Variants in BRWD3 observed in about 807,000 individuals in gnomAD.
The protein encoded by BRWD3 is bromodomain and WD repeat-containing protein 3.
A neutral mutation model predicts 149.7 loss-of-function variants in BRWD3; 10 were observed. The ratio of observed to expected loss-of-function variants is 0.07; its 90% CI spans 0.04 to 0.11. The LOEUF is 0.11. BRWD3 is among the 10% of genes least tolerant of loss of function. The pLI is 1.00. For missense variants in BRWD3, 940 were observed against 1,373.2 expected (o/e 0.68, Z 4.99); for synonymous variants, 504 against 456.7 (o/e 1.10, Z -1.32).
intron 20 of BRWD3, among the ~76,000 whole-genome samples, chrX:80,714,884 T>G (rs2073053288): frequency 8.9e-6 from 1 of 112,211 alleles, no homozygotes; most frequent in South Asian, 3.7e-4. Flanking sequence ...TAACAAGAAT[T>G]GGCAGTATGT....
chrX:80,748,845 G>A (rs915679594), intron 6 of BRWD3, among the ~76,000 whole-genome samples: 1 of 110,468 alleles, frequency 9.1e-6, no homozygotes, highest in African/African-American at 3.3e-5. Flanking sequence ...CTTTTTTAAT[G>A]TTTATTGCTA....
intron 20 of BRWD3, among the ~76,000 whole-genome samples, chrX:80,712,605 T>A (rs766068647): frequency 9.1e-5 from 9 of 99,290 alleles, no homozygotes; most frequent in Non-Finnish European, 1.6e-4. Context: ...TCTGCCTGGC[T>A]GCCCATCGTC....
At chrX:80,696,652 T>G in intron 26 of BRWD3, 87 bp downstream of exon 26, 1 of 1,040,898 alleles carries the variant, frequency 9.6e-7, no homozygotes, top group Non-Finnish European at 1.3e-6. Flanking sequence ...TATAGTGTTT[T>G]CTCTCCCATT....
chrX:80,704,600 G>T, intron 23 of BRWD3, 78 bp downstream of exon 23: 1 of 926,833 alleles, frequency 1.1e-6, no homozygotes, highest in Non-Finnish European at 1.5e-6. Context: ...AAAAGTCAAT[G>T]TTACAATTAA....
intron 6 of BRWD3, among the ~76,000 whole-genome samples, chrX:80,764,054 A>T (rs1472321375): frequency 8.9e-6 from 1 of 112,096 alleles, no homozygotes; most frequent in East Asian, 2.8e-4. Context: ...GGCCAAAAAA[A>T]TTTGCATAAA....
rs776844527 is a variant in BRWD3, at chrX:80,731,826, C to T, written c.1127+1630G>A. ...AGGAGAATGGCGTGAACCCGGGAGG[C>T]GGAGCTTGCAGTGAGCCGAGATCAC... is the stretch of plus-strand genomic sequence containing the variant. On this transcript the variant is annotated intron_variant, in intron 12 of 40. Transcript: ENST00000373275. 4.9e-3 allele frequency among the ~76,000 whole-genome samples: 442 copies of T among 89,546 alleles called. 2 individuals are homozygous for T. Among genetic ancestry groups the T allele is most frequent in the African/African-American group, 0.018 (422 of 23,228 alleles). 77.8% of individuals were successfully genotyped at this position (89,546 alleles called of 115,157 possible).
rs189320837 is a variant in BRWD3 at position 80,733,106 on chromosome X, G to A, written c.1127+350C>T. On this transcript the variant is annotated intron_variant, in intron 12 of 40. Coordinates refer to ENST00000373275, the MANE Select transcript of BRWD3 (RefSeq NM_153252.5). The stretch of plus-strand genomic sequence containing the variant: ...GATCGCACCACCGCACTCCAGCCTC[G>A]GCAACAGAGCAAGACACCGTCTCAA... The A allele has an allele frequency of 2.7e-3, 327 of 120,322 alleles. 2 individuals are homozygous for A. The highest frequency in any genetic ancestry group is 0.01 in the African/African-American group (290 of 28,813). 9.9% of individuals were successfully genotyped at this position (120,322 alleles called of 1,213,427 possible).
intron 20 of BRWD3, among the ~76,000 whole-genome samples, chrX:80,711,347 G>A: frequency 8.9e-6 from 1 of 111,857 alleles, no homozygotes; most frequent in Non-Finnish European, 1.9e-5. Flanking sequence ...AGTCTCATCA[G>A]AGGGGTTTTA....
Position 80,773,070 on chromosome X carries a change from G to C in BRWD3, c.430+18784C>G, listed in dbSNP as rs1207615911. 1.9e-4 allele frequency among the ~76,000 whole-genome samples: 21 copies of C among 112,037 alleles called. No individual in the cohort carries two copies. The Admixed American group carries it at 1.9e-3, about 10-fold the overall frequency. The stretch of plus-strand genomic sequence containing the variant: ...CACAGATTAGTGATTGACAAGATGG[G>C]GTAGGGGAGTCACGCAGGAGGGAAG... On this transcript the variant is annotated intron_variant, in intron 6 of 40. Coordinates refer to ENST00000373275, the MANE Select transcript of BRWD3 (RefSeq NM_153252.5).
intron 6 of BRWD3, among the ~76,000 whole-genome samples, chrX:80,777,776 T>C (rs1240484951): frequency 1.8e-5 from 2 of 111,264 alleles, no homozygotes; most frequent in Admixed American, 9.6e-5. Flanking sequence ...AAGTTATCCA[T>C]AGTATATATG....
At position 80,686,998 on chromosome X, in the gene BRWD3, T is replaced by A; in HGVS notation, c.3870A>T (p.Lys1290Asn). The A allele has an allele frequency of 3.3e-6, 4 of 1,208,569 alleles. No homozygotes were observed. The highest frequency in any genetic ancestry group is 4.5e-6 in the Non-Finnish European group (4 of 893,433). The change falls in exon 35 of 41, where the codon AAA becomes AAT. Residue 1290 changes from lysine to asparagine, a missense_variant. By Grantham distance (94) the Lys-to-Asn change is moderately conservative. Coordinates refer to ENST00000373275, the MANE Select transcript of BRWD3 (RefSeq NM_153252.5). ...TTAAAGACTGTCTTCTGCCTCGGCA[T>A]TTGACCTACAGATTTTAATAGAGTT... is the stretch of plus-strand genomic sequence containing the variant. ...GPGTSSGRKVKCRGRRQSLKC... is the reference protein window; with the variant it reads ...GPGTSSGRKVNCRGRRQSLKC...
chrX:80,697,776 C>T (rs1029419721), intron 25 of BRWD3, among the ~76,000 whole-genome samples: 1 of 111,802 alleles, frequency 8.9e-6, no homozygotes, highest in Non-Finnish European at 1.9e-5. Flanking sequence ...ATGTGACGAA[C>T]ATGCATGTGC....
intron 17 of BRWD3, among the ~76,000 whole-genome samples, chrX:80,721,195 AT>A (rs1386465199): frequency 8.9e-6 from 1 of 112,334 alleles, no homozygotes; most frequent in African/African-American, 3.2e-5. Context: ...TCTTAAGTAT[AT>A]CATAGCCCTG....
intron 8 of BRWD3, among the ~76,000 whole-genome samples, chrX:80,740,696 C>G (rs996422235): frequency 9.0e-6 from 1 of 111,430 alleles, no homozygotes; most frequent in African/African-American, 3.3e-5. Flanking sequence ...CTGCAGTGAG[C>G]CGAGATCCCA....
chrX:80,734,270 C>G, intron 10 of BRWD3, 52 bp from the exon 11 acceptor site: 1 of 800,080 alleles, frequency 1.2e-6, no homozygotes, highest in Non-Finnish European at 1.9e-6. Flanking sequence ...CCTTAAAAAC[C>G]CTCTCATTAC....
intron 14 of BRWD3, among the ~76,000 whole-genome samples, chrX:80,725,794 A>G (rs185503880): frequency 2.1e-5 from 2 of 95,462 alleles, no homozygotes; most frequent in Middle Eastern, 6.8e-3. Context: ...ATAACGTATA[A>G]CATGTTTACA....
chrX:80,743,710 G>A (rs1172885167), intron 8 of BRWD3: 1 of 202,075 alleles, frequency 4.9e-6, no homozygotes, highest in African/African-American at 3.0e-5. Context: ...TTCTCTGATG[G>A]TAGAACTCAT....
At chrX:80,721,302 T>A (rs2073146666) in intron 17 of BRWD3, among the ~76,000 whole-genome samples, 1 of 111,647 alleles carries the variant, frequency 9.0e-6, no homozygotes, top group African/African-American at 3.3e-5. Context: ...AAATTAGACT[T>A]TCTTATTCAT....
intron 17 of BRWD3, among the ~76,000 whole-genome samples, chrX:80,721,797 A>G (rs2073153814): frequency 9.0e-6 from 1 of 111,706 alleles, no homozygotes; most frequent in Admixed American, 9.6e-5. Flanking sequence ...AACTCTTTGC[A>G]TTTCAAACAC....
Sources: allele counts gnomAD v4.1 joint callset (sites outside exome capture counted in the v4.1 genomes callset), GRCh38; gene constraint gnomAD v4.1.1; transcripts MANE v1.5; gene names NCBI Gene and HGNC (gene_info 2026-07-23, HGNC 2026-07-21).